The following DDX60L variants were observed in gnomAD, a reference collection of about 807,000 sequenced individuals.
DDX60L encodes the protein probable ATP-dependent RNA helicase DDX60-like.
In DDX60L, 191 loss-of-function variants were observed where a neutral mutation model predicts 211.6. The ratio of observed to expected loss-of-function variants is 0.90; its 90% CI spans 0.80 to 1.02. DDX60L has a LOEUF of 1.02. Among genes scored for constraint, DDX60L ranks in the 50% least tolerant of loss-of-function variants. DDX60L has a pLI of 0.00. For synonymous variants in DDX60L, 706 were observed against 694.1 expected (o/e 1.02, Z -0.27); for missense variants, 2,007 against 1,984.1 (o/e 1.01, Z -0.22).
intron 15 of DDX60L, 63 bp downstream of exon 15, chr4:168,423,544 TA>T: frequency 8.9e-7 from 1 of 1,122,656 alleles, no homozygotes; most frequent in Non-Finnish European, 1.3e-6. Context: ...TTAGACCTAT[TA>T]GTTATTCTTC....
chr4:168,370,888 C>T (rs1345703592), intron 36 of DDX60L, among the ~76,000 whole-genome samples: 1 of 151,416 alleles, frequency 6.6e-6, no homozygotes, highest in East Asian at 1.9e-4. Context: ...CTTCACGTTC[C>T]ATGTGAATTC....
chr4:168,451,567 G>A (rs1755810241), intron 8 of DDX60L, among the ~76,000 whole-genome samples: 1 of 152,124 alleles, frequency 6.6e-6, no homozygotes, highest in African/African-American at 2.4e-5. Context: ...TCTTAGCCAT[G>A]TTAGCATCAT....
Position 168,391,562 on chromosome 4 carries a change from A to G in DDX60L, c.3893T>C (p.Leu1298Pro), listed in dbSNP as rs932227481. 6.2e-7 allele frequency: 1 copy of G among 1,606,194 alleles called. No homozygotes were observed. Among genetic ancestry groups the G allele is most frequent in the Admixed American group, 1.7e-5 (1 of 59,310 alleles). The change falls in exon 29 of 38, where the codon CTG (leucine) becomes CCG (proline). Residue 1298 changes from leucine (L) to proline (P), a missense_variant. Leu to Pro is a moderately conservative substitution (Grantham distance 98). Coordinates refer to ENST00000682922, the MANE Select transcript of DDX60L (RefSeq NM_001012967.3). ...TACCTGTCTGTAATTTAAAGCATCC[A>G]GATAGACTGAGTCTTGGGCAAAAAC... ...SVVFAQDSVY[L>P]DALNYRQMSG...
At chr4:168,377,719 G>A (rs376263567) in intron 33 of DDX60L, 4 of 152,146 alleles carry the variant, frequency 2.6e-5, no homozygotes, top group Non-Finnish European at 1.5e-5. Flanking sequence ...CTAGATTAAT[G>A]CTAATTACCT....
At chr4:168,448,050 A>G (rs892625131) in intron 9 of DDX60L, among the ~76,000 whole-genome samples, 4 of 152,156 alleles carry the variant, frequency 2.6e-5, no homozygotes, top group Admixed American at 2.0e-4. Context: ...GAGTTTACAG[A>G]ATATGGAGAG....
In DDX60L at chr4:168,432,478, T is replaced by C. The variant is rs1207383646; in HGVS notation, c.1493A>G (p.Asp498Gly). The part of the protein sequence containing the change: ...HAQRLLSDDY[D>G]RIKCHVDEQS... ...ACCATCAACATGACATTTGATCCTG[T>C]CATAGTCGTCACTAAGGAGTCTTTG... Residue 498 changes from aspartate (D) to glycine (G), a missense_variant, in exon 12 of 38, where the codon GAC (aspartate) becomes GGC (glycine). Physicochemically the swap from Asp to Gly is moderately conservative, Grantham distance 94. Coordinates refer to ENST00000682922, the MANE Select transcript of DDX60L (RefSeq NM_001012967.3). 6.3e-7 allele frequency: 1 copy of C among 1,578,844 alleles called. No homozygotes were observed. The highest frequency in any genetic ancestry group is 1.8e-5 in the Admixed American group (1 of 56,876).
chr4:168,469,150 T>G (rs2150132379), intron 4 of DDX60L: 2 of 152,336 alleles, frequency 1.3e-5, no homozygotes, highest in Admixed American at 1.3e-4. Flanking sequence ...CAAAGTGGGC[T>G]TCAAGATTTA....
In DDX60L at chr4:168,371,645, T is replaced by G; in HGVS notation, c.4895A>C (p.His1632Pro). 6.3e-7 allele frequency: 1 copy of G among 1,578,356 alleles called. No homozygotes were observed. Residue 1632 changes from histidine to proline, a missense_variant, in exon 36 of 38, where the codon CAC becomes CCC. Transcript: ENST00000682922. ...TTGGTCTAATCTTGTCAAGCAGTTGTGTTTATAGAAATTGAGCACATATGC... is the reference window on the plus strand; with the variant it reads ...TTGGTCTAATCTTGTCAAGCAGTTGGGTTTATAGAAATTGAGCACATATGC... ...LNAYVLNFYKHNCLTRLDQKN... is the reference protein window; with the variant it reads ...LNAYVLNFYKPNCLTRLDQKN...
At chr4:168,416,520 G>T (rs556971681) in intron 20 of DDX60L, among the ~76,000 whole-genome samples, 162 bp downstream of exon 20, 1 of 152,268 alleles carries the variant, frequency 6.6e-6, no homozygotes, top group East Asian at 1.9e-4. Context: ...GGAGTTTAAG[G>T]CCAGCCTGGG....
At chr4:168,462,969 A>G (rs567965797) in intron 4 of DDX60L, among the ~76,000 whole-genome samples, 2 of 152,326 alleles carry the variant, frequency 1.3e-5, no homozygotes, top group African/African-American at 4.8e-5. Context: ...AAAAAATGAG[A>G]GTTAAAATAA....
chr4:168,420,372 A>G lies in DDX60L; in HGVS notation c.2403T>C (p.Val801=), dbSNP rs747719190. Residue 801 remains valine (V), a synonymous_variant, in exon 18 of 38, where the codon GTT becomes GTC. Coordinates refer to ENST00000682922, the MANE Select transcript of DDX60L (RefSeq NM_001012967.3). ...VVYVAPAKSL[V]GQVAATVENR... is the part of the protein sequence containing the mutation. Reference sequence around the variant, plus strand: ...TCTCAACAGTTGCAGCCACTTGACCAACAAGGGACTGATTGACAAGAAAAA... The same window carrying G: ...TCTCAACAGTTGCAGCCACTTGACCGACAAGGGACTGATTGACAAGAAAAA... 2 of 1,606,182 alleles carry G rather than the reference A, an allele frequency of 1.2e-6. No homozygotes were observed. Among genetic ancestry groups the G allele is most frequent in the South Asian group, 1.1e-5 (1 of 89,046 alleles).
intron 1 of DDX60L, among the ~76,000 whole-genome samples, chr4:168,478,130 C>A (rs887145732): frequency 6.6e-6 from 1 of 150,926 alleles, no homozygotes; most frequent in Non-Finnish European, 1.5e-5. Flanking sequence ...AGGAAGGGAG[C>A]CAAGAAATTT....
chr4:168,373,654 T>C lies in DDX60L; in HGVS notation c.4776+12A>G. 9 of 1,611,950 alleles carry C rather than the reference T, an allele frequency of 5.6e-6. No homozygotes were observed. The highest frequency in any genetic ancestry group is 6.8e-6 in the Non-Finnish European group (8 of 1,178,630). Reference sequence around the variant, plus strand: ...AAACACATTTTGTACATAAGATGTATCCTTCACTTACCTGGTTGATAGTCT... The same window carrying C: ...AAACACATTTTGTACATAAGATGTACCCTTCACTTACCTGGTTGATAGTCT... On this transcript the variant is annotated intron_variant, in intron 35 of 37. Coordinates refer to ENST00000682922, the MANE Select transcript of DDX60L (RefSeq NM_001012967.3).
At chr4:168,401,042 A>C (rs1287875141) in intron 25 of DDX60L, 64 bp from the exon 26 acceptor site, 26 of 1,458,248 alleles carry the variant, frequency 1.8e-5, no homozygotes. Flanking sequence ...TAAACCAAAA[A>C]TAAAATTATA....
intron 25 of DDX60L, among the ~76,000 whole-genome samples, chr4:168,403,650 T>C (rs1747223174): frequency 6.6e-6 from 1 of 152,202 alleles, no homozygotes; most frequent in Non-Finnish European, 1.5e-5. Flanking sequence ...TTTACATCTG[T>C]ACATGAAAAA....
At chr4:168,384,556 G>A (rs1464399974) in intron 30 of DDX60L, 56 bp downstream of exon 30, 4 of 1,604,792 alleles carry the variant, frequency 2.5e-6, no homozygotes, top group East Asian at 2.2e-5. Context: ...CAGCAGACCT[G>A]ACTAGAGCCA....
At chr4:168,449,719 C>G (rs1463991658) in intron 8 of DDX60L, among the ~76,000 whole-genome samples, 1 of 89,046 alleles carries the variant, frequency 1.1e-5, no homozygotes, top group Non-Finnish European at 2.3e-5. Flanking sequence ...GAGGCTGAAA[C>G]TGAAAAGAGT....
At chr4:168,422,406 A>T in intron 16 of DDX60L, 118 bp downstream of exon 16, 1 of 936,462 alleles carries the variant, frequency 1.1e-6, no homozygotes, top group Non-Finnish European at 1.6e-6. Flanking sequence ...CAGGCACAGT[A>T]GAGGAAAGAC....
intron 13 of DDX60L, among the ~76,000 whole-genome samples, chr4:168,427,944 C>T (rs1751723693): frequency 6.6e-6 from 1 of 152,212 alleles, no homozygotes; most frequent in Admixed American, 6.5e-5. Flanking sequence ...ACCAACATAA[C>T]AGAACTGAGT....
Sources: allele counts gnomAD v4.1 joint callset (sites outside exome capture counted in the v4.1 genomes callset), GRCh38; gene constraint gnomAD v4.1.1; transcripts MANE v1.5; gene names NCBI Gene and HGNC (gene_info 2026-07-23, HGNC 2026-07-21).